Variants in MSH6 observed in about 807,000 individuals in gnomAD.
MSH6 encodes the protein mutS homolog 6, also known as DNA mismatch repair protein Msh6.
A neutral mutation model predicts 119.1 loss-of-function variants in MSH6; 85 were observed. The ratio of observed to expected loss-of-function variants is 0.71; its 90% CI spans 0.60 to 0.85. The LOEUF (loss-of-function observed/expected upper bound fraction) is 0.85. Ranked by LOEUF, MSH6 falls within the 40% of genes least tolerant of loss-of-function variation. The probability of loss-of-function intolerance (pLI) is 0.00; values close to 1 mark genes in which losing one functional copy is unlikely to be tolerated. For synonymous variants in MSH6, 830 were observed against 586.9 expected, an observed-to-expected ratio of 1.41 and a Z score of -5.99; for missense variants, 2,163 against 1,655.3, an observed-to-expected ratio of 1.31 and a Z score of -5.32.
Position 47,806,587 on chromosome 2 carries a change from A to AT in MSH6, c.3939dup (p.Gln1314SerfsTer5), listed in dbSNP as rs1553333633. 6.2e-7 allele frequency: 1 copy of AT among 1,613,582 alleles called. No individual in the cohort carries two copies. Among genetic ancestry groups the AT allele is most frequent in the Admixed American group, 1.7e-5 (1 of 59,968 alleles). On this transcript the variant is annotated frameshift_variant, in exon 9 of 10. Transcript: ENST00000234420. LOFTEE classifies it high-confidence loss of function. ...GCTTGCTAATCTCCCAGAGGAAGTT[A>AT]TTCAAAAGGGACATAGAAAAGCAAG... is the stretch of plus-strand genomic sequence containing the variant.
intron 4 of MSH6, 66 bp from the exon 5 acceptor site, chr2:47,803,354 A>C: frequency 6.2e-7 from 1 of 1,605,136 alleles, no homozygotes; most frequent in Non-Finnish European, 8.5e-7. Flanking sequence ...AAGAAGACCT[A>C]TAAAACACTT....
downstream of MSH6, chr2:47,809,482 C>T (rs996970871): frequency 1.3e-6 from 1 of 780,394 alleles, no homozygotes; most frequent in African/African-American, 1.8e-5. Context: ...CTTTCAAAAT[C>T]TATCTTAAAC....
intron 1 of MSH6, among the ~76,000 whole-genome samples, chr2:47,788,290 T>C (rs1668468421): frequency 7.6e-6 from 1 of 132,238 alleles, no homozygotes; most frequent in South Asian, 2.6e-4. Flanking sequence ...AGTCTCGCCC[T>C]GTCACCCAGG....
chr2:47,808,216 A>T, downstream of MSH6: 1 of 1,613,462 alleles, frequency 6.2e-7, no homozygotes, highest in South Asian at 1.1e-5. Context: ...CAAGGATTAG[A>T]CAGTGTTCCA....
chr2:47,792,804 G>T (rs1419109748), intron 2 of MSH6, among the ~76,000 whole-genome samples: 1 of 151,204 alleles, frequency 6.6e-6, no homozygotes, highest in Non-Finnish European at 1.5e-5. Flanking sequence ...CAGTAACCGG[G>T]ACTAGAGGTG....
At chr2:47,785,239 T>A (rs1261822216) in intron 1 of MSH6, among the ~76,000 whole-genome samples, 3 of 151,540 alleles carry the variant, frequency 2.0e-5, no homozygotes, top group Non-Finnish European at 4.4e-5. Context: ...TTGTTTGGTT[T>A]TGTTTTGAAA....
At chr2:47,807,537 C>G (rs1233822974), downstream of MSH6, 3 of 211,656 alleles carry the variant, frequency 1.4e-5, no homozygotes, top group African/African-American at 6.8e-5. Flanking sequence ...GACATGAGTA[C>G]AGTTACAGCA....
At chr2:47,793,110 C>T (rs1430467375) in intron 2 of MSH6, among the ~76,000 whole-genome samples, 2 of 151,490 alleles carry the variant, frequency 1.3e-5, no homozygotes, top group African/African-American at 2.4e-5. Context: ...CACCTGAGGT[C>T]AGGAGTTCCA....
At position 47,799,514 on chromosome 2, in the gene MSH6, A is replaced by G. The variant is rs773303940; in HGVS notation, c.1531A>G (p.Arg511Gly). ...ATCCAAGTATGATAGAGTGGTGAGG[A>G]GGGAGATCTGTAGGATCATTACCAA... ...HISKYDRVVRREICRIITKGT... is the reference protein window; with the variant it reads ...HISKYDRVVRGEICRIITKGT... Residue 511 changes from arginine (R) to glycine (G), a missense_variant, in exon 4 of 10, where the codon AGG (arginine) becomes GGG (glycine). Arg to Gly is a moderately radical substitution (Grantham distance 125). Coordinates refer to ENST00000234420, the MANE Select transcript of MSH6 (RefSeq NM_000179.3). The G allele has an allele frequency of 6.2e-7, 1 of 1,614,180 alleles. No homozygotes were observed. Among genetic ancestry groups the G allele is most frequent in the East Asian group, 2.2e-5 (1 of 44,888 alleles).
chr2:47,803,396 C>T (rs1299131158), intron 4 of MSH6, 24 bp from the exon 5 acceptor site: 4 of 1,614,062 alleles, frequency 2.5e-6, no homozygotes, highest in Non-Finnish European at 3.4e-6. Flanking sequence ...GATGAAGCCT[C>T]ACTTTTACCC....
At chr2:47,792,349 C>T (rs900563478) in intron 2 of MSH6, among the ~76,000 whole-genome samples, 21 of 152,094 alleles carry the variant, frequency 1.4e-4, no homozygotes, top group Admixed American at 3.9e-4. Flanking sequence ...CACACTCTTT[C>T]GTCATAGTGC....
intron 1 of MSH6, among the ~76,000 whole-genome samples, chr2:47,788,902 TCTTCC>T (rs369452337): frequency 0.17 from 13,211 of 79,708 alleles, 1,612 homozygotes; most frequent in Non-Finnish European, 0.21. Flanking sequence ...CTTTCTTTCT[TCTTCC>T]TTTTTTTTTT....
chr2:47,806,202 AG>A lies in MSH6; in HGVS notation c.3647del, dbSNP rs1064795629. On this transcript the variant is annotated splice_acceptor_variant, in intron 7 of 9. Transcript: ENST00000234420. LOFTEE classifies it high-confidence loss of function. The stretch of plus-strand genomic sequence containing the variant: ...TTCCTTATGCATATTTTACTTTAAC[AG>A]GAAGAGGTACTGCAACATTTGATGG... 6.2e-7 allele frequency: 1 copy of A among 1,613,836 alleles called. No individual in the cohort carries two copies. The highest frequency in any genetic ancestry group is 8.5e-7 in the Non-Finnish European group (1 of 1,179,796).
intron 2 of MSH6, among the ~76,000 whole-genome samples, chr2:47,794,115 T>C (rs2908439): frequency 1 from 151,024 of 151,038 alleles, 75,505 homozygotes; most frequent in African/African-American, 1. Flanking sequence ...CTAAGGTAGG[T>C]GGATCACCTG....
Position 47,800,670 on chromosome 2 carries a change from A to G in MSH6, c.2687A>G (p.Lys896Arg). ...ILKQVISLQT[K>R]NPEGRFPDLT... Reference sequence around the variant, plus strand: ...AAGCAGGTCATCTCTCTGCAGACAAAAAATCCTGAAGGTCGTTTTCCTGAT... The same window carrying G: ...AAGCAGGTCATCTCTCTGCAGACAAGAAATCCTGAAGGTCGTTTTCCTGAT... The change falls in exon 4 of 10, where the codon AAA (lysine) becomes AGA (arginine). Residue 896 changes from lysine to arginine, a missense_variant. Physicochemically the swap from Lys to Arg is conservative, Grantham distance 26 (BLOSUM62 2). Coordinates refer to ENST00000234420, the MANE Select transcript of MSH6 (RefSeq NM_000179.3). 2.5e-6 allele frequency: 4 copies of G among 1,614,202 alleles called. No individual in the cohort carries two copies. The highest frequency in any genetic ancestry group is 3.4e-6 in the Non-Finnish European group (4 of 1,180,028).
At position 47,803,531 on chromosome 2, in the gene MSH6, G is replaced by A. The variant is rs63750253; in HGVS notation, c.3284G>A (p.Arg1095His). The A allele has an allele frequency of 4.0e-5, 64 of 1,614,044 alleles. No homozygotes were observed. The highest frequency in any genetic ancestry group is 1.6e-4 in the Middle Eastern group (1 of 6,062). Residue 1095 changes from arginine to histidine, a missense_variant, in exon 5 of 10, where the codon CGC becomes CAC. Transcript: ENST00000234420. ...TPPFLELKGS[R>H]HPCITKTFFG... Reference sequence around the variant, plus strand: ...CCCTTCTTAGAGCTTAAAGGATCACGCCATCCTTGCATTACGAAGACTTTT... The same window carrying A: ...CCCTTCTTAGAGCTTAAAGGATCACACCATCCTTGCATTACGAAGACTTTT...
Position 47,798,847 on chromosome 2 carries a change from A to G in MSH6, c.864A>G (p.Glu288=), listed in dbSNP as rs2104302380. ...ISSGVGDSES[E]GLNSPVKVAR... is the part of the protein sequence containing the mutation. Reference sequence around the variant, plus strand: ...GTGGAGTGGGGGATAGTGAGAGTGAAGGCCTGAACAGCCCTGTCAAAGTTG... The same window carrying G: ...GTGGAGTGGGGGATAGTGAGAGTGAGGGCCTGAACAGCCCTGTCAAAGTTG... The change falls in exon 4 of 10, where the codon GAA becomes GAG. Residue 288 remains glutamate, a synonymous_variant. Transcript: ENST00000234420. The G allele has an allele frequency of 6.2e-7, 1 of 1,614,234 alleles. No individual in the cohort carries two copies. Among genetic ancestry groups the G allele is most frequent in the African/African-American group, 1.3e-5 (1 of 75,068 alleles).
At chr2:47,809,823 T>A, downstream of MSH6, 1 of 637,668 alleles carries the variant, frequency 1.6e-6, no homozygotes, top group Non-Finnish European at 2.7e-6. Context: ...ACCCTCTTAA[T>A]GTCTACTGAA....
chr2:47,794,576 AGTT>A (rs1668953572), intron 2 of MSH6, among the ~76,000 whole-genome samples: 1 of 151,814 alleles, frequency 6.6e-6, no homozygotes, highest in African/African-American at 2.4e-5. Context: ...CCAGCCCTAA[AGTT>A]GTATTTTGAT....
Sources: allele counts gnomAD v4.1 joint callset (sites outside exome capture counted in the v4.1 genomes callset), GRCh38; gene constraint gnomAD v4.1.1; transcripts MANE v1.5; gene names NCBI Gene and HGNC (gene_info 2026-07-23, HGNC 2026-07-21).